The following CADPS2 variants were observed in gnomAD, a reference collection of about 807,000 sequenced individuals.
CADPS2 encodes calcium-dependent secretion activator 2.
CADPS2 carries 93 observed loss-of-function variants against 172.5 expected under a neutral mutation model. The observed-to-expected ratio is 0.54, with a 90% confidence interval of 0.46 to 0.64. The LOEUF (loss-of-function observed/expected upper bound fraction) is 0.64, where lower values mean the gene tolerates loss of function less well. Among genes scored for constraint, CADPS2 ranks in the 30% least tolerant of loss-of-function variants. The pLI is 0.00. For synonymous variants in CADPS2, 546 were observed against 555.2 expected, an observed-to-expected ratio of 0.98 and a Z score of 0.23; for missense variants, 1,420 against 1,565.9, an observed-to-expected ratio of 0.91 and a Z score of 1.57.
chr7:122,630,286 A>T (rs1010434725), intron 3 of CADPS2, among the ~76,000 whole-genome samples: 2 of 152,146 alleles, frequency 1.3e-5, no homozygotes, highest in Non-Finnish European at 2.9e-5. Context: ...TTACATTTTT[A>T]AAAACATCCT....
intron 11 of CADPS2, among the ~76,000 whole-genome samples, chr7:122,488,279 G>A (rs2058014743): frequency 2.0e-5 from 3 of 152,194 alleles, no homozygotes; most frequent in Admixed American, 6.5e-5. Context: ...CCGGGGTTGA[G>A]GGAGTCTTAT....
At chr7:122,520,317 T>C (rs115016938) in intron 8 of CADPS2, among the ~76,000 whole-genome samples, 2,232 of 152,032 alleles carry the variant, frequency 0.015, 56 homozygotes, top group African/African-American at 0.051. Flanking sequence ...TGCTTGTCTT[T>C]ACATAGTACC....
intron 6 of CADPS2, among the ~76,000 whole-genome samples, chr7:122,608,710 T>C (rs1168891371): frequency 1.3e-5 from 2 of 152,194 alleles, no homozygotes; most frequent in Non-Finnish European, 2.9e-5. Context: ...TCAAATGCTT[T>C]TAATAAAACA....
At chr7:122,386,908 G>A (rs1347647167) in intron 24 of CADPS2, 118 bp downstream of exon 24, 3 of 990,732 alleles carry the variant, frequency 3.0e-6, no homozygotes, top group Non-Finnish European at 4.4e-6. Flanking sequence ...AAGATCAAAC[G>A]TTTGGTGCTA....
At chr7:122,767,213 A>C (rs1401386065) in intron 1 of CADPS2, among the ~76,000 whole-genome samples, 1 of 152,216 alleles carries the variant, frequency 6.6e-6, no homozygotes, top group African/African-American at 2.4e-5. Flanking sequence ...ATCCACATTT[A>C]CAGGATCCTT....
chr7:122,541,452 C>T (rs1441661492), intron 8 of CADPS2, among the ~76,000 whole-genome samples: 11 of 149,002 alleles, frequency 7.4e-5, no homozygotes, highest in Non-Finnish European at 1.3e-4. Flanking sequence ...GTGATCCGCC[C>T]GCCTCAGCCT....
In CADPS2 at chr7:122,526,661, A is replaced by G. The variant is rs986791142; in HGVS notation, c.1476-13346T>C. 7.2e-5 allele frequency among the ~76,000 whole-genome samples: 11 copies of G among 152,194 alleles called. 1 individual carries two copies. The highest frequency in any genetic ancestry group is 7.2e-4 in the Admixed American group (11 of 15,272). On this transcript the variant is annotated intron_variant, in intron 8 of 29. Transcript: ENST00000449022. ...CTAACACTTATTTTTAAATTGATTTAGTTCTTGAGTCTCATATTTCCCATT... is the reference window on the plus strand; with the variant it reads ...CTAACACTTATTTTTAAATTGATTTGGTTCTTGAGTCTCATATTTCCCATT...
chr7:122,323,001 A>G (rs181212181), intron 29 of CADPS2, among the ~76,000 whole-genome samples: 45 of 152,320 alleles, frequency 3.0e-4, no homozygotes, highest in African/African-American at 1.0e-3. Context: ...ATGGGCCTTC[A>G]CAATTCTCTA....
At chr7:122,478,891 TCTTTA>T (rs2056991701) in intron 12 of CADPS2, among the ~76,000 whole-genome samples, 1 of 152,178 alleles carries the variant, frequency 6.6e-6, no homozygotes, top group African/African-American at 2.4e-5. Context: ...TGTGCATGTG[TCTTTA>T]TAGCAGCATG....
chr7:122,659,420 T>C (rs1428551803), intron 3 of CADPS2, among the ~76,000 whole-genome samples: 1 of 149,598 alleles, frequency 6.7e-6, no homozygotes, highest in Admixed American at 6.7e-5. Flanking sequence ...GACATGTCAA[T>C]AAAAACTTCC....
chr7:122,518,655 A>G (rs2060553850), intron 8 of CADPS2, among the ~76,000 whole-genome samples: 1 of 151,980 alleles, frequency 6.6e-6, no homozygotes, highest in African/African-American at 2.4e-5. Context: ...TAACCTGCTG[A>G]GTCATTACTA....
intron 2 of CADPS2, among the ~76,000 whole-genome samples, chr7:122,716,530 AG>A (rs2136924529): frequency 1.3e-5 from 2 of 152,182 alleles, no homozygotes; most frequent in South Asian, 4.1e-4. Context: ...TGTCCTTTGT[AG>A]GGTCGGGGGA....
chr7:122,838,666 C>T (rs1809362778), intron 1 of CADPS2, among the ~76,000 whole-genome samples: 1 of 152,164 alleles, frequency 6.6e-6, no homozygotes, highest in African/African-American at 2.4e-5. Flanking sequence ...CATGAGTGAA[C>T]TCCCATTCAC....
chr7:122,375,837 G>A (rs1585393817), intron 25 of CADPS2, among the ~76,000 whole-genome samples: 1 of 151,240 alleles, frequency 6.6e-6, no homozygotes, highest in South Asian at 2.1e-4. Flanking sequence ...TACAAAATGG[G>A]AGGAAATGTT....
At chr7:122,594,958 C>A (rs2071517232) in intron 6 of CADPS2, among the ~76,000 whole-genome samples, 1 of 151,878 alleles carries the variant, frequency 6.6e-6, no homozygotes, top group South Asian at 2.1e-4. Context: ...CACAAATCCC[C>A]CAGATGTCTA....
intron 8 of CADPS2, among the ~76,000 whole-genome samples, chr7:122,522,381 C>T (rs1176410271): frequency 6.6e-6 from 1 of 151,992 alleles, no homozygotes; most frequent in African/African-American, 2.4e-5. Context: ...TCCCAAAGTG[C>T]TGGGATTACA....
intron 2 of CADPS2, among the ~76,000 whole-genome samples, chr7:122,716,990 G>T (rs2089703823): frequency 6.6e-6 from 1 of 152,070 alleles, no homozygotes; most frequent in Admixed American, 6.6e-5. Context: ...CTGTAACGTG[G>T]TATCATTTCT....
intron 7 of CADPS2, among the ~76,000 whole-genome samples, chr7:122,555,110 T>C (rs974763650): frequency 1.3e-5 from 2 of 152,110 alleles, no homozygotes; most frequent in African/African-American, 4.8e-5. Context: ...AGCACAAATA[T>C]GCCTCATGTT....
intron 2 of CADPS2, among the ~76,000 whole-genome samples, chr7:122,704,927 A>G (rs1057055155): frequency 1.3e-5 from 2 of 152,026 alleles, no homozygotes; most frequent in African/African-American, 4.8e-5. Flanking sequence ...GTAGCTCCAC[A>G]TAATAAGAAA....
Sources: gnomAD v4.1 joint callset for allele counts (sites outside exome capture counted in the v4.1 genomes callset) on GRCh38, gnomAD v4.1.1 for gene constraint, MANE v1.5 for transcripts, NCBI Gene and HGNC (gene_info 2026-07-23, HGNC 2026-07-21) for gene names.